The following COL15A1 variants were observed in gnomAD, a reference collection of about 807,000 sequenced individuals.
COL15A1 encodes the protein collagen type XV alpha 1 chain, also known as collagen alpha-1(XV) chain.
A neutral mutation model predicts 165.9 loss-of-function variants in COL15A1; 111 were observed. The observed-to-expected ratio is 0.67, with a 90% CI of 0.57 to 0.78. The LOEUF (loss-of-function observed/expected upper bound fraction) is 0.78. Among genes scored for constraint, COL15A1 ranks in the 30% least tolerant of loss-of-function variants. The pLI is 0.00. For synonymous variants in COL15A1, 659 were observed against 674.8 expected, an observed-to-expected ratio of 0.98 and a Z score of 0.36; for missense variants, 1,745 against 1,789.7, an observed-to-expected ratio of 0.98 and a Z score of 0.45.
intron 16 of COL15A1, among the ~76,000 whole-genome samples, chr9:99,028,971 C>A (rs1041107335): frequency 2.0e-5 from 3 of 152,308 alleles, no homozygotes; most frequent in Non-Finnish European, 4.4e-5. Flanking sequence ...TCAACTAACT[C>A]TTAAGATCTT....
chr9:98,995,726 T>A (rs978543182), intron 5 of COL15A1, among the ~76,000 whole-genome samples: 1 of 152,246 alleles, frequency 6.6e-6, no homozygotes, highest in Non-Finnish European at 1.5e-5. Flanking sequence ...ATGGTGATTG[T>A]CTCTGGGTGT....
chr9:99,064,164 C>G (rs1055400373), intron 39 of COL15A1, among the ~76,000 whole-genome samples: 3 of 152,134 alleles, frequency 2.0e-5, no homozygotes, highest in African/African-American at 4.8e-5. Flanking sequence ...TTGGGTCACC[C>G]TGGCACTGAT....
intron 16 of COL15A1, 75 bp from the exon 17 acceptor site, chr9:99,034,474 T>A: frequency 6.6e-7 from 1 of 1,523,600 alleles, no homozygotes; most frequent in Non-Finnish European, 8.8e-7. Context: ...GAGTCCATAA[T>A]TGTGCATTGT....
At chr9:99,034,625 C>CTCCCTCA (rs2119047795) in intron 17 of COL15A1, 41 bp downstream of exon 17, 2 of 1,292,078 alleles carry the variant, frequency 1.5e-6, no homozygotes, top group East Asian at 3.0e-5. Context: ...GAACTTTCTT[C>CTCCCTCA]TCCCTCCTCC....
At chr9:98,989,669 C>T (rs1588504308) in intron 5 of COL15A1, among the ~76,000 whole-genome samples, 1 of 152,310 alleles carries the variant, frequency 6.6e-6, no homozygotes, top group South Asian at 2.1e-4. Context: ...AGGGACAAGC[C>T]TCAGCCCAGC....
At chr9:98,973,419 G>A (rs961793323) in intron 2 of COL15A1, among the ~76,000 whole-genome samples, 7 of 152,228 alleles carry the variant, frequency 4.6e-5, no homozygotes, top group African/African-American at 1.2e-4. Flanking sequence ...GATTGTGGCC[G>A]AGCCAGGTCT....
chr9:98,948,778 G>A (rs567483064), intron 2 of COL15A1, among the ~76,000 whole-genome samples: 39 of 152,194 alleles, frequency 2.6e-4, no homozygotes, highest in Non-Finnish European at 4.3e-4. Flanking sequence ...TCCAGGTAGG[G>A]ATGGTGGTGT....
chr9:99,009,735 TCAAA>T (rs1451340979), intron 9 of COL15A1, among the ~76,000 whole-genome samples: 3 of 152,232 alleles, frequency 2.0e-5, no homozygotes, highest in East Asian at 1.9e-4. Flanking sequence ...GATTGATTTC[TCAAA>T]CAATTAGCCC....
chr9:99,019,956 G>A (rs761265867), intron 11 of COL15A1, among the ~76,000 whole-genome samples: 2 of 152,122 alleles, frequency 1.3e-5, no homozygotes, highest in African/African-American at 2.4e-5. Flanking sequence ...GTCTTCAGAC[G>A]GGAGCCAGAA....
At chr9:99,061,902 G>T (rs1588539761) in intron 36 of COL15A1, 69 bp from the exon 37 acceptor site, 2 of 1,544,864 alleles carry the variant, frequency 1.3e-6, no homozygotes, top group East Asian at 4.5e-5. Flanking sequence ...TTACAGAGAG[G>T]CCAGGTTATC....
At chr9:99,036,915 C>A (rs1424243913) in intron 21 of COL15A1, among the ~76,000 whole-genome samples, 1 of 152,220 alleles carries the variant, frequency 6.6e-6, no homozygotes, top group Non-Finnish European at 1.5e-5. Flanking sequence ...GCTGGGCATG[C>A]CCCTTGGTGC....
chr9:99,023,228 CG>C (rs1839056996), intron 13 of COL15A1, 128 bp from the exon 14 acceptor site: 3 of 1,177,552 alleles, frequency 2.5e-6, no homozygotes, highest in Admixed American at 5.9e-5. Flanking sequence ...AGAGAGAAAA[CG>C]GGGAGCAGAA....
At chr9:98,944,416 T>C (rs1202944772) in intron 2 of COL15A1, among the ~76,000 whole-genome samples, 166 bp downstream of exon 2, 1 of 152,180 alleles carries the variant, frequency 6.6e-6, no homozygotes, top group Non-Finnish European at 1.5e-5. Flanking sequence ...CTCCTGGCAG[T>C]GCAGGGGTTA....
At chr9:99,020,323 G>A (rs898700234) in intron 11 of COL15A1, 66 bp from the exon 12 acceptor site, 13 of 1,170,686 alleles carry the variant, frequency 1.1e-5, no homozygotes, top group African/African-American at 7.5e-5. Context: ...GAATGTCATC[G>A]GAACTCAGCA....
chr9:99,063,446 G>T (rs1359452820), intron 39 of COL15A1, among the ~76,000 whole-genome samples: 1 of 152,122 alleles, frequency 6.6e-6, no homozygotes. Flanking sequence ...GTGCATTCCT[G>T]TAATTGCTAG....
At chr9:99,005,757 C>A (rs1335498920) in intron 9 of COL15A1, among the ~76,000 whole-genome samples, 1 of 152,226 alleles carries the variant, frequency 6.6e-6, no homozygotes, top group Non-Finnish European at 1.5e-5. Flanking sequence ...TCCTCCAATG[C>A]TGGCCCCTGT....
At chr9:98,992,796 G>T (rs530817762) in intron 5 of COL15A1, among the ~76,000 whole-genome samples, 25 of 152,304 alleles carry the variant, frequency 1.6e-4, no homozygotes, top group Non-Finnish European at 2.9e-4. Context: ...GTGAAGTCAG[G>T]ACTCAAGCCA....
intron 34 of COL15A1, 33 bp from the exon 35 acceptor site, chr9:99,056,227 T>C (rs1273098771): frequency 1.1e-5 from 17 of 1,609,876 alleles, no homozygotes; most frequent in Non-Finnish European, 1.4e-5. Context: ...TGAATGATGC[T>C]TTCTCTCTGT....
At chr9:98,986,142 A>T in intron 3 of COL15A1, 30 bp downstream of exon 3, 1 of 1,560,492 alleles carries the variant, frequency 6.4e-7, no homozygotes, top group Non-Finnish European at 8.8e-7. Flanking sequence ...CAGGTAGATC[A>T]GGGAGGTGGA....
Sources: allele counts gnomAD v4.1 joint callset (sites outside exome capture counted in the v4.1 genomes callset), GRCh38; gene constraint gnomAD v4.1.1; transcripts MANE v1.5; gene names NCBI Gene and HGNC (gene_info 2026-07-23, HGNC 2026-07-21).